The following WTIP variants were observed in gnomAD, a reference collection of about 807,000 sequenced individuals.
WTIP encodes the protein Wilms tumor protein 1-interacting protein.
Under a neutral mutation model 41.7 loss-of-function variants are expected in WTIP, and 23 were observed. The observed-to-expected ratio is 0.55, with a 90% CI of 0.40 to 0.78. The LOEUF (loss-of-function observed/expected upper bound fraction) is 0.78. Ranked by LOEUF, WTIP falls within the 30% of genes least tolerant of loss-of-function variation. The probability of loss-of-function intolerance (pLI) is 0.00; values close to 1 mark genes in which losing one functional copy is unlikely to be tolerated. For synonymous variants in WTIP, 314 were observed against 269.9 expected (o/e 1.16, Z -1.60); for missense variants, 619 against 610.5 (o/e 1.01, Z -0.15).
chr19:34,486,129 C>G (rs1464494457), intron 1 of WTIP, among the ~76,000 whole-genome samples: 1 of 151,918 alleles, frequency 6.6e-6, no homozygotes, highest in Admixed American at 6.6e-5. Flanking sequence ...CACCGTTTTC[C>G]CTTCACTCTA....
At chr19:34,483,071 C>T (rs563452803) in intron 1 of WTIP, among the ~76,000 whole-genome samples, 2 of 148,358 alleles carry the variant, frequency 1.3e-5, no homozygotes, top group African/African-American at 2.5e-5. Context: ...GCGGCGCGTC[C>T]TCGGCTTACT....
At chr19:34,488,762 G>A (rs1407623215) in intron 1 of WTIP, among the ~76,000 whole-genome samples, 1 of 152,006 alleles carries the variant, frequency 6.6e-6, no homozygotes, top group Non-Finnish European at 1.5e-5. Flanking sequence ...CCTTGGCCGG[G>A]CATAGCAGTA....
chr19:34,490,277 C>G, intron 1 of WTIP, 99 bp from the exon 2 acceptor site: 1 of 1,120,786 alleles, frequency 8.9e-7, no homozygotes, highest in Non-Finnish European at 1.3e-6. Flanking sequence ...GTTAGCATCC[C>G]CCAGGTCAAG....
chr19:34,510,125 C>T lies in WTIP; in HGVS notation c.*9856C>T, dbSNP rs2145621235. 6.6e-6 allele frequency: 1 copy of T among 152,326 alleles called. No individual in the cohort carries two copies. The highest frequency in any genetic ancestry group is 2.1e-4 in the South Asian group (1 of 4,822). 9.4% of individuals were successfully genotyped at this position (152,326 alleles called of 1,614,324 possible). A position where few individuals can be genotyped will look rare whatever the true frequency, so the allele number is the denominator to read the frequency against. On this transcript the variant is annotated 3_prime_UTR_variant, in exon 8 of 8. Transcript: ENST00000590071. ...CTTACAGCTCTACTAGGCAGTACCCCAGTAGGGATACTGTGTTTGGGCTCT... is the reference window on the plus strand; with the variant it reads ...CTTACAGCTCTACTAGGCAGTACCCTAGTAGGGATACTGTGTTTGGGCTCT...
At position 34,482,264 on chromosome 19, in the gene WTIP, ACGGCGG is replaced by A; in HGVS notation, c.297_302del (p.Gly102_Gly103del). The A allele has an allele frequency of 1.5e-6, 2 of 1,292,440 alleles. No individual in the cohort carries two copies. The highest frequency in any genetic ancestry group is 9.9e-7 in the Non-Finnish European group (1 of 1,013,200). The allele number at this position is 1,292,440 out of a possible 1,614,324, so 80.1% of individuals were successfully genotyped here. On this transcript the variant is annotated inframe_deletion, in exon 1 of 8. Transcript: ENST00000590071. ...CCACGGGCCAGCCTGGCGGGGTCCGACGGCGGCGGCGGTGGCGGCAGCGCCCGATCC... is the reference window on the plus strand; with the variant it reads ...CCACGGGCCAGCCTGGCGGGGTCCGACGGCGGTGGCGGCAGCGCCCGATCC...
intron 2 of WTIP, 89 bp downstream of exon 2, chr19:34,490,566 G>A (rs2075820535): frequency 3.7e-6 from 5 of 1,337,224 alleles, no homozygotes; most frequent in African/African-American, 2.9e-5. Context: ...CCTGAGTCCA[G>A]GCAGATGGAC....
At chr19:34,486,528 T>C (rs1343559495) in intron 1 of WTIP, among the ~76,000 whole-genome samples, 1 of 151,966 alleles carries the variant, frequency 6.6e-6, no homozygotes, top group Non-Finnish European at 1.5e-5. Flanking sequence ...CCACCACACC[T>C]GGCTAATATT....
Position 34,500,523 on chromosome 19 carries a change from A to G in WTIP, c.*254A>G, listed in dbSNP as rs2075879650. ...CACTTGGAGGCCCCCTGTGCCCTGC[A>G]GCCTCAGGGTAGGCCGTGGGTCACC... is the stretch of plus-strand genomic sequence containing the variant. On this transcript the variant is annotated 3_prime_UTR_variant, in exon 8 of 8. Transcript: ENST00000590071. The G allele has an allele frequency of 1.0e-5, 5 of 489,592 alleles. No individual in the cohort carries two copies. The highest frequency in any genetic ancestry group is 1.8e-5 in the Non-Finnish European group (5 of 284,752). The allele number at this position is 489,592 out of a possible 1,614,324, so 30.3% of individuals were successfully genotyped here.
chr19:34,500,255 G>A lies in WTIP; in HGVS notation c.1279G>A (p.Val427Ile), dbSNP rs200826295. Residue 427 changes from valine to isoleucine, a missense_variant, in exon 8 of 8, where the codon GTC (valine) becomes ATC (isoleucine). Physicochemically the swap from Val to Ile is conservative, Grantham distance 29. Around this residue, in one of 3 missense-constraint regions of WTIP, gnomAD observed 92 missense variants for 82.4 expected, o/e 1.12. Transcript: ENST00000590071. Reference protein sequence around the residue: ...PGPLPSPTVHVTEL With the variant: ...PGPLPSPTVHITEL ...GCCTCTTCCCTCACCCACTGTGCAC[G>A]TCACTGAGCTCTGAGCAGGGGAAAA... 60 of 1,607,982 alleles carry A rather than the reference G, an allele frequency of 3.7e-5. No homozygotes were observed. Among genetic ancestry groups the A allele is most frequent in the Admixed American group, 6.7e-5 (4 of 59,744 alleles).
chr19:34,509,854 G>A lies in WTIP; in HGVS notation c.*9585G>A, dbSNP rs1259510702. ...ACCCATGCAAGTCCAAAATCCAGCGGGGCAGTCAAATTTTGAAGCTCCAAA... is the reference window on the plus strand; with the variant it reads ...ACCCATGCAAGTCCAAAATCCAGCGAGGCAGTCAAATTTTGAAGCTCCAAA... On this transcript the variant is annotated 3_prime_UTR_variant, in exon 8 of 8. Transcript: ENST00000590071. 3 of 152,070 alleles carry A rather than the reference G, an allele frequency of 2.0e-5. No individual in the cohort carries two copies. Among genetic ancestry groups the A allele is most frequent in the African/African-American group, 7.2e-5 (3 of 41,404 alleles). 9.4% of individuals were successfully genotyped at this position (152,070 alleles called of 1,614,324 possible).
In WTIP at chr19:34,489,337, C is replaced by T. The variant is rs555783277; in HGVS notation, c.668-1039C>T. On this transcript the variant is annotated intron_variant, in intron 1 of 7. Transcript: ENST00000590071. The stretch of plus-strand genomic sequence containing the variant: ...GGTGGGGACCTGGGTGCATTGCAGA[C>T]TGAGTGGTGCCTGACCTTAGGGGCA... Among the ~76,000 whole-genome samples, 6 of 152,082 alleles carry T rather than the reference C, an allele frequency of 3.9e-5. No homozygotes were observed. The South Asian group carries it at 1.2e-3, about 32-fold the overall frequency.
chr19:34,488,358 G>A (rs999519211), intron 1 of WTIP, among the ~76,000 whole-genome samples: 9 of 151,872 alleles, frequency 5.9e-5, no homozygotes, highest in African/African-American at 1.9e-4. Flanking sequence ...ACAGGCGTGA[G>A]CCATTGTGCC....
At chr19:34,495,595 C>G (rs1042917468) in intron 6 of WTIP, 108 bp from the exon 7 acceptor site, 4 of 1,254,534 alleles carry the variant, frequency 3.2e-6, no homozygotes, top group Non-Finnish European at 4.5e-6. Flanking sequence ...CCGGGGCGGG[C>G]GTGCACCTCC....
Position 34,493,703 on chromosome 19 carries a change from C to T in WTIP, c.1031+81C>T. On this transcript the variant is annotated intron_variant, in intron 5 of 7. Transcript: ENST00000590071. The surrounding 1 kb of genome is among the most constrained non-coding windows in gnomAD (Gnocchi z 4.1). ...CTGGAAGCATTTTTTTCCTGCTGGACTGACTGCCCTTTGTTCTTGGCCTTT... is the reference window on the plus strand; with the variant it reads ...CTGGAAGCATTTTTTTCCTGCTGGATTGACTGCCCTTTGTTCTTGGCCTTT... The T allele has an allele frequency of 6.3e-7, 1 of 1,581,442 alleles. No individual in the cohort carries two copies. The highest frequency in any genetic ancestry group is 2.2e-5 in the East Asian group (1 of 44,524).
chr19:34,488,968 T>C (rs1228417511), intron 1 of WTIP, among the ~76,000 whole-genome samples: 1 of 148,048 alleles, frequency 6.8e-6, no homozygotes, highest in South Asian at 2.1e-4. Flanking sequence ...GAGGCCAAAG[T>C]GGGTGAATCA....
chr19:34,499,253 G>A (rs1276242929), intron 7 of WTIP, among the ~76,000 whole-genome samples: 3 of 148,132 alleles, frequency 2.0e-5, no homozygotes, highest in African/African-American at 7.5e-5. Flanking sequence ...GCTCATGCCT[G>A]TAATCCCAGC....
chr19:34,483,748 C>A (rs778447833), intron 1 of WTIP, among the ~76,000 whole-genome samples: 1 of 152,038 alleles, frequency 6.6e-6, no homozygotes, highest in Non-Finnish European at 1.5e-5. Flanking sequence ...GTGAGCGGGG[C>A]AGAGGTATAC....
rs1014001425 is a variant in WTIP, at chr19:34,500,717, G to A, written c.*448G>A. On this transcript the variant is annotated 3_prime_UTR_variant, in exon 8 of 8. Transcript: ENST00000590071. ...GTGTGGTCTGGAAGGCGGGGCTGGC[G>A]GGGACATGGGTGTTCCTGCATCTCC... 6.2e-6 allele frequency: 1 copy of A among 161,624 alleles called. No individual in the cohort carries two copies. The highest frequency in any genetic ancestry group is 1.8e-4 in the East Asian group (1 of 5,508). The allele number at this position is 161,624 out of a possible 1,614,324, so 10.0% of individuals were successfully genotyped here.
chr19:34,510,335 A>G lies in WTIP; in HGVS notation c.*10066A>G, dbSNP rs1429085883. The stretch of plus-strand genomic sequence containing the variant: ...GGCTCAACACCACATGGTAGCTGCC[A>G]AGGTTGGGGTTTGCACTCTCTGAAA... On this transcript the variant is annotated 3_prime_UTR_variant, in exon 8 of 8. Coordinates refer to ENST00000590071, the MANE Select transcript of WTIP (RefSeq NM_001080436.2). The G allele has an allele frequency of 6.6e-6, 1 of 152,228 alleles. No individual in the cohort carries two copies. Among genetic ancestry groups the G allele is most frequent in the Non-Finnish European group, 1.5e-5 (1 of 68,054 alleles). The allele number at this position is 152,228 out of a possible 1,614,324, so 9.4% of individuals were successfully genotyped here.
Sources: allele counts gnomAD v4.1 joint callset (sites outside exome capture counted in the v4.1 genomes callset), GRCh38; gene constraint gnomAD v4.1.1; regional missense constraint gnomAD v4.1.1; non-coding constraint Gnocchi (gnomAD v3.1); transcripts MANE v1.5; gene names NCBI Gene and HGNC (gene_info 2026-07-23, HGNC 2026-07-21).